The following SLC22A25 variants were observed in gnomAD, a reference collection of about 807,000 sequenced individuals.
The protein encoded by SLC22A25 is MGI:2442751, MGI:2385316, MGI:3042283, MGI:3645714, MGI:3605624, MGI:2442750.
A neutral mutation model predicts 45.9 loss-of-function variants in SLC22A25; 44 were observed. The observed-to-expected ratio is 0.96, with a 90% CI of 0.75 to 1.23. The LOEUF (loss-of-function observed/expected upper bound fraction) is 1.23, where lower values mean the gene tolerates loss of function less well. SLC22A25 is among the 50% of genes most tolerant of loss of function. The pLI is 0.00. For synonymous variants in SLC22A25, 283 were observed against 238.6 expected, an observed-to-expected ratio of 1.19 and a Z score of -1.72; for missense variants, 800 against 666.4, an observed-to-expected ratio of 1.20 and a Z score of -2.21.
intron 7 of SLC22A25, among the ~76,000 whole-genome samples, chr11:63,210,130 C>T (rs56048812): frequency 0.34 from 51,340 of 151,944 alleles, 9,057 homozygotes; most frequent in East Asian, 0.56. Context: ...ATTCCAGAGG[C>T]TCCTGAAAAC....
At position 63,229,731 on chromosome 11, in the gene SLC22A25, C is replaced by T. The variant is rs1448564356; in HGVS notation, c.-79G>A. ...GTTCAAAGAGAAAATATTTCCTTTC[C>T]TTAAATCACACTAAGTGTGTGTGTT... On this transcript the variant is annotated 5_prime_UTR_variant, in exon 4 of 12. Coordinates refer to ENST00000306494, the MANE Select transcript of SLC22A25 (RefSeq NM_199352.6). 10 of 1,410,474 alleles carry T rather than the reference C, an allele frequency of 7.1e-6. No individual in the cohort carries two copies. 87.4% of individuals were successfully genotyped at this position (1,410,474 alleles called of 1,614,324 possible). A position where few individuals can be genotyped will look rare whatever the true frequency, so the allele number is the denominator to read the frequency against.
chr11:63,199,088 C>T (rs771968866), intron 7 of SLC22A25, among the ~76,000 whole-genome samples: 5 of 151,572 alleles, frequency 3.3e-5, no homozygotes, highest in East Asian at 1.9e-4. Context: ...ACACAGAAGC[C>T]GTTCAAAAGA....
chr11:63,195,862 T>G (rs970206627), intron 7 of SLC22A25, among the ~76,000 whole-genome samples: 17 of 151,898 alleles, frequency 1.1e-4, no homozygotes, highest in African/African-American at 3.9e-4. Context: ...CTAGCAGGAC[T>G]AATAAAGAAG....
chr11:63,199,825 A>AG (rs61661499), intron 7 of SLC22A25, among the ~76,000 whole-genome samples: 74,445 of 151,310 alleles, frequency 0.49, 18,911 homozygotes, highest in African/African-American at 0.61. Context: ...GTAACCTCAT[A>AG]TATTCAGCCT....
At chr11:63,220,001 T>A in intron 5 of SLC22A25, 7 of 1,289,282 alleles carry the variant, frequency 5.4e-6, no homozygotes, top group Non-Finnish European at 7.1e-6. Context: ...GGAGACATGG[T>A]TGGGCGATGA....
At chr11:63,165,606 T>C (rs1046440668) in intron 10 of SLC22A25, among the ~76,000 whole-genome samples, 9 of 152,128 alleles carry the variant, frequency 5.9e-5, no homozygotes, top group African/African-American at 1.9e-4. Context: ...ACAGTGGATA[T>C]GTAGTGATTA....
intron 9 of SLC22A25, 142 bp downstream of exon 9, chr11:63,180,518 T>C: frequency 1.6e-6 from 1 of 611,844 alleles, no homozygotes; most frequent in Non-Finnish European, 2.8e-6. Context: ...TTTTACCACT[T>C]TTAAAAATAG....
At chr11:63,236,675 G>A (rs1031347849) in intron 3 of SLC22A25, among the ~76,000 whole-genome samples, 1 of 152,114 alleles carries the variant, frequency 6.6e-6, no homozygotes, top group African/African-American at 2.4e-5. Flanking sequence ...CGCACCCACT[G>A]TCTGGCACTC....
At chr11:63,179,978 G>C (rs762684072) in intron 9 of SLC22A25, among the ~76,000 whole-genome samples, 28 of 152,144 alleles carry the variant, frequency 1.8e-4, no homozygotes, top group Non-Finnish European at 2.9e-4. Context: ...TGAGGGAAAA[G>C]TCATAGGCCA....
chr11:63,207,261 T>C (rs2089431948), intron 7 of SLC22A25, among the ~76,000 whole-genome samples: 1 of 152,162 alleles, frequency 6.6e-6, no homozygotes, highest in Admixed American at 6.5e-5. Flanking sequence ...AAGCCAAAAT[T>C]GATAAATGGG....
At chr11:63,230,596 C>A (rs191848006) in intron 3 of SLC22A25, among the ~76,000 whole-genome samples, 155 of 152,126 alleles carry the variant, frequency 1.0e-3, no homozygotes, top group African/African-American at 3.6e-3. Flanking sequence ...AAAATGTATA[C>A]CTCATTGAGG....
chr11:63,177,434 A>G (rs2088132721), intron 9 of SLC22A25, among the ~76,000 whole-genome samples: 1 of 151,778 alleles, frequency 6.6e-6, no homozygotes. Context: ...ATATACAATA[A>G]CTTTATTGTT....
At chr11:63,184,513 C>T (rs1276029435) in intron 7 of SLC22A25, among the ~76,000 whole-genome samples, 1 of 152,106 alleles carries the variant, frequency 6.6e-6, no homozygotes, top group East Asian at 1.9e-4. Context: ...GTTAATCATA[C>T]ATTAGGGTTT....
At chr11:63,187,636 A>T (rs1194312197) in intron 7 of SLC22A25, among the ~76,000 whole-genome samples, 1 of 152,168 alleles carries the variant, frequency 6.6e-6, no homozygotes, top group East Asian at 1.9e-4. Flanking sequence ...TTTCAAAGGG[A>T]ATGCTTCCGG....
chr11:63,166,039 C>G lies in SLC22A25; in HGVS notation c.1285+5G>C. On this transcript the variant is annotated splice_donor_5th_base_variant and intron_variant, in intron 10 of 11. Transcript: ENST00000306494. ...TTCTTTCTTCCACCTGTGAACTTTT[C>G]TCACCTTGAGGCACAAATATGATGG... 1 of 1,612,928 alleles carries G rather than the reference C, an allele frequency of 6.2e-7. No homozygotes were observed.
chr11:63,167,012 T>A (rs974581763), intron 9 of SLC22A25: 5 of 254,602 alleles, frequency 2.0e-5, no homozygotes, highest in Non-Finnish European at 2.5e-5. Flanking sequence ...AGACAGCGGG[T>A]GGGTGCAGCC....
At chr11:63,179,163 G>T (rs2088226063) in intron 9 of SLC22A25, among the ~76,000 whole-genome samples, 1 of 151,916 alleles carries the variant, frequency 6.6e-6, no homozygotes, top group South Asian at 2.1e-4. Flanking sequence ...ACCATGTTTG[G>T]CCAGGCTGGT....
rs150691466 is a variant in SLC22A25 at position 63,229,476 on chromosome 11, G to T, written c.177C>A (p.Ile59=). Residue 59 remains isoleucine, a synonymous_variant, in exon 4 of 12, where the codon ATC becomes ATA. Transcript: ENST00000306494. ...CWVHILDNDT[I]PDNDPGTLSQ... is the part of the protein sequence containing the mutation. ...TGAGGGTCCCAGGGTCATTGTCAGGGATAGTGTCATTGTCCAGTATATGAA... is the reference window on the plus strand; with the variant it reads ...TGAGGGTCCCAGGGTCATTGTCAGGTATAGTGTCATTGTCCAGTATATGAA... The T allele has an allele frequency of 2.8e-4, 456 of 1,614,100 alleles. No homozygotes were observed. Among genetic ancestry groups the T allele is most frequent in the Non-Finnish European group, 3.7e-4 (433 of 1,179,986 alleles).
chr11:63,188,330 C>A (rs777563721), intron 7 of SLC22A25, among the ~76,000 whole-genome samples: 1 of 152,124 alleles, frequency 6.6e-6, no homozygotes, highest in Admixed American at 6.6e-5. Context: ...AGTTTATTTG[C>A]ATAGAGGTTT....
Sources: allele counts gnomAD v4.1 joint callset (sites outside exome capture counted in the v4.1 genomes callset), GRCh38; gene constraint gnomAD v4.1.1; transcripts MANE v1.5; gene names NCBI Gene and HGNC (gene_info 2026-07-23, HGNC 2026-07-21).